Variants in COL5A2 observed in about 807,000 individuals in gnomAD.
The protein encoded by COL5A2 is collagen alpha-2(V) chain.
In COL5A2, 23 loss-of-function variants were observed where a neutral mutation model predicts 208.2. That is an observed-to-expected ratio of 0.11 (90% CI 0.08 to 0.16). The LOEUF is 0.16. Among genes scored for constraint, COL5A2 ranks in the 10% least tolerant of loss-of-function variants. The pLI, the probability that COL5A2 is intolerant of heterozygous loss-of-function variation, is 1.00. For synonymous variants in COL5A2, 625 were observed against 628.5 expected, an observed-to-expected ratio of 0.99 and a Z score of 0.08; for missense variants, 1,590 against 1,956.4, an observed-to-expected ratio of 0.81 and a Z score of 3.53.
At chr2:189,075,308 G>A in intron 17 of COL5A2, 85 bp downstream of exon 17, 19 of 947,106 alleles carry the variant, frequency 2.0e-5, no homozygotes, top group Non-Finnish European at 3.3e-5. Context: ...GGCATGTGGT[G>A]AGTGCTCTGT....
the COL5A2 span, among the ~76,000 whole-genome samples, chr2:189,439,072 CT>C: frequency 6.6e-6 from 1 of 152,204 alleles, no homozygotes; most frequent in Non-Finnish European, 1.5e-5. Flanking sequence ...CACTCTCAAC[CT>C]TTTCAGGTTA....
In COL5A2 at chr2:189,117,763, C is replaced by A. The variant is rs1234457098; in HGVS notation, c.98-7314G>T. Among the ~76,000 whole-genome samples the A allele has an allele frequency of 3.3e-5, 5 of 151,706 alleles. No individual in the cohort carries two copies. In the East Asian group the frequency reaches 9.7e-4, roughly 29 times the overall value. On this transcript the variant is annotated intron_variant, in intron 1 of 53. Coordinates refer to ENST00000374866, the MANE Select transcript of COL5A2 (RefSeq NM_000393.5). ...TTTTTTTCTTTTAATGTAGTAGTTA[C>A]CACTTTCAAGCCTACTATATATTGA...
At chr2:189,299,933 C>T in the COL5A2 span, among the ~76,000 whole-genome samples, 1 of 152,100 alleles carries the variant, frequency 6.6e-6, no homozygotes, top group Non-Finnish European at 1.5e-5. Context: ...GAACTAGAGA[C>T]TTGTGTAAGG....
the COL5A2 span, among the ~76,000 whole-genome samples, chr2:189,300,038 A>G: frequency 6.6e-6 from 1 of 152,286 alleles, no homozygotes; most frequent in South Asian, 2.1e-4. Flanking sequence ...TCAGCAAATC[A>G]TTCCATAGTA....
the COL5A2 span, among the ~76,000 whole-genome samples, chr2:189,313,997 G>T: frequency 2.0e-5 from 3 of 152,162 alleles, no homozygotes; most frequent in African/African-American, 7.2e-5. Flanking sequence ...TAATAGTGGG[G>T]AACTTTAACA....
chr2:189,179,559 C>T lies in COL5A2; in HGVS notation c.46G>A (p.Val16Ile). Residue 16 changes from valine (V) to isoleucine (I), a missense_variant, in exon 1 of 54, where the codon GTT (valine) becomes ATT (isoleucine). Physicochemically the swap from Val to Ile is conservative, Grantham distance 29 (BLOSUM62 3). Coordinates refer to ENST00000374866, the MANE Select transcript of COL5A2 (RefSeq NM_000393.5). ...AEARPLLILI[V>I]LLGQFVSIKA... ...ATTGAGACAAATTGCCCTAATAAAACAATAAGAATGAGGAGAGGTCTTGCT... is the reference window on the plus strand; with the variant it reads ...ATTGAGACAAATTGCCCTAATAAAATAATAAGAATGAGGAGAGGTCTTGCT... 1 of 1,610,854 alleles carries T rather than the reference C, an allele frequency of 6.2e-7. No homozygotes were observed. The highest frequency in any genetic ancestry group is 1.3e-5 in the African/African-American group (1 of 74,978).
the COL5A2 span, among the ~76,000 whole-genome samples, chr2:189,289,114 G>A: frequency 0.052 from 7,865 of 152,180 alleles, 256 homozygotes; most frequent in Admixed American, 0.1. Context: ...GGCTGAGGTG[G>A]GCAGATCACC....
At chr2:189,334,522 A>G in the COL5A2 span, among the ~76,000 whole-genome samples, 253 of 152,136 alleles carry the variant, frequency 1.7e-3, no homozygotes, top group African/African-American at 5.7e-3. Context: ...GCGAAAGACT[A>G]AATCTAACCA....
chr2:189,168,355 T>C (rs537426559), intron 1 of COL5A2, among the ~76,000 whole-genome samples: 10 of 152,156 alleles, frequency 6.6e-5, no homozygotes, highest in South Asian at 2.1e-4. Flanking sequence ...AGAAGTTTTA[T>C]GTTTGTAGCC....
the COL5A2 span, among the ~76,000 whole-genome samples, chr2:189,336,398 AC>A: frequency 6.6e-6 from 1 of 152,196 alleles, no homozygotes; most frequent in Non-Finnish European, 1.5e-5. Context: ...TAAAAACATT[AC>A]GTCCATAAAA....
At chr2:189,314,076 G>A in the COL5A2 span, among the ~76,000 whole-genome samples, 1 of 152,076 alleles carries the variant, frequency 6.6e-6, no homozygotes. Flanking sequence ...CCTGAACTCA[G>A]CAGTGGATCA....
In COL5A2 at chr2:189,110,245, C is replaced by T. The variant is rs777070552; in HGVS notation, c.302G>A (p.Gly101Glu). The T allele has an allele frequency of 1.9e-6, 3 of 1,613,810 alleles. No individual in the cohort carries two copies. The highest frequency in any genetic ancestry group is 2.2e-5 in the East Asian group (1 of 44,870). ...ECCPVCSQTP[G>E]GGNTNFGRGR... ...CTTACCAAAATTGGTATTGCCACCT[C>T]CAGGTGTTTGTGAACAGACAGGACA... is the stretch of plus-strand genomic sequence containing the variant. Residue 101 changes from glycine (G) to glutamate (E), a missense_variant, in exon 2 of 54, where the codon GGA (glycine) becomes GAA (glutamate). Physicochemically the swap from Gly to Glu is moderately conservative, Grantham distance 98 (BLOSUM62 -2). Coordinates refer to ENST00000374866, the MANE Select transcript of COL5A2 (RefSeq NM_000393.5).
chr2:189,348,595 C>A, the COL5A2 span, among the ~76,000 whole-genome samples: 2 of 152,134 alleles, frequency 1.3e-5, no homozygotes, highest in Non-Finnish European at 2.9e-5. Flanking sequence ...AATTACATAA[C>A]TTCTCTGAGC....
the COL5A2 span, among the ~76,000 whole-genome samples, chr2:189,344,832 A>G: frequency 6.6e-6 from 1 of 152,190 alleles, no homozygotes; most frequent in Non-Finnish European, 1.5e-5. Flanking sequence ...CCTCCAGCCA[A>G]AAATGGGCAG....
At chr2:189,245,768 A>T in the COL5A2 span, among the ~76,000 whole-genome samples, 1 of 152,154 alleles carries the variant, frequency 6.6e-6, no homozygotes, top group Non-Finnish European at 1.5e-5. Flanking sequence ...CTTAACTGCA[A>T]TATGGTCAAG....
the COL5A2 span, among the ~76,000 whole-genome samples, chr2:189,419,040 A>G: frequency 6.6e-6 from 1 of 152,200 alleles, no homozygotes; most frequent in Non-Finnish European, 1.5e-5. Flanking sequence ...ACCCACAATC[A>G]ATACACAGAG....
At chr2:189,044,085 T>C (rs1256710504) in intron 47 of COL5A2, among the ~76,000 whole-genome samples, 2 of 152,152 alleles carry the variant, frequency 1.3e-5, no homozygotes, top group Non-Finnish European at 2.9e-5. Context: ...AACTGACAAG[T>C]GGCATAGAGT....
At chr2:189,260,184 G>GA in the COL5A2 span, among the ~76,000 whole-genome samples, 1 of 151,882 alleles carries the variant, frequency 6.6e-6, no homozygotes, top group Non-Finnish European at 1.5e-5. Flanking sequence ...AAGTCTTTCA[G>GA]AAAAAAAATG....
In COL5A2 at chr2:189,052,985, G is replaced by A. The variant is rs1380175503; in HGVS notation, c.2587C>T (p.Pro863Ser). Residue 863 changes from proline (P) to serine (S), a missense_variant, in exon 39 of 54, where the codon CCT (proline) becomes TCT (serine). Pro to Ser is a moderately conservative substitution (Grantham distance 74, BLOSUM62 -1). Coordinates refer to ENST00000374866, the MANE Select transcript of COL5A2 (RefSeq NM_000393.5). ...PDGQPGVKGE[P>S]GEPGQKGDAG... is the part of the protein sequence containing the mutation. ...TCTCCCTTCTGTCCTGGCTCTCCAG[G>A]TTCACCTTTTACTCCAGGCTGTCCG... 1.9e-6 allele frequency: 3 copies of A among 1,614,048 alleles called. No individual in the cohort carries two copies. The highest frequency in any genetic ancestry group is 4.5e-5 in the East Asian group (2 of 44,886).
Sources: gnomAD v4.1 joint callset for allele counts (sites outside exome capture counted in the v4.1 genomes callset) on GRCh38, gnomAD v4.1.1 for gene constraint, MANE v1.5 for transcripts, NCBI Gene and HGNC (gene_info 2026-07-23, HGNC 2026-07-21) for gene names.